The following SRRM1 variants were observed in gnomAD, a reference collection of about 807,000 sequenced individuals.
The protein encoded by SRRM1 is serine/arginine repetitive matrix protein 1.
Under a neutral mutation model 110.2 loss-of-function variants are expected in SRRM1, and 19 were observed. The observed-to-expected ratio is 0.17, with a 90% CI of 0.12 to 0.25. The LOEUF (loss-of-function observed/expected upper bound fraction) is 0.25. SRRM1 is among the 10% of genes least tolerant of loss of function. The pLI, the probability that SRRM1 is intolerant of heterozygous loss-of-function variation, is 1.00. For missense variants in SRRM1, 918 were observed against 1,145.8 expected, an observed-to-expected ratio of 0.80 and a Z score of 2.87; for synonymous variants, 443 against 414.9, an observed-to-expected ratio of 1.07 and a Z score of -0.82.
At chr1:24,643,592 G>A in intron 1 of SRRM1, 1 of 423,910 alleles carries the variant, frequency 2.4e-6, no homozygotes, top group Non-Finnish European at 4.2e-6. Flanking sequence ...AAATGGCGGC[G>A]GGAATGGGCC....
intron 10 of SRRM1, 58 bp downstream of exon 10, chr1:24,660,857 C>A: frequency 1.5e-6 from 2 of 1,316,196 alleles, no homozygotes; most frequent in Non-Finnish European, 2.1e-6. Flanking sequence ...TTTCTTAAAG[C>A]TGATTTTGAT....
At chr1:24,666,698 G>T (rs1670161285) in intron 12 of SRRM1, 117 bp from the exon 13 acceptor site, 1 of 710,832 alleles carries the variant, frequency 1.4e-6, no homozygotes, top group African/African-American at 1.8e-5. Flanking sequence ...CTGGGAGGCG[G>T]AGGTTGCAGT....
intron 13 of SRRM1, among the ~76,000 whole-genome samples, chr1:24,667,299 T>G (rs2148715665): frequency 6.6e-6 from 1 of 152,332 alleles, no homozygotes; most frequent in South Asian, 2.1e-4. Context: ...ATTGTATACT[T>G]TAAATGGACC....
At chr1:24,660,292 T>A (rs1666471406) in intron 9 of SRRM1, among the ~76,000 whole-genome samples, 1 of 152,220 alleles carries the variant, frequency 6.6e-6, no homozygotes, top group African/African-American at 2.4e-5. Flanking sequence ...GCTCCCAATT[T>A]CCTTTAACTG....
intron 3 of SRRM1, chr1:24,647,389 T>C (rs552032289): frequency 6.6e-6 from 1 of 152,666 alleles, no homozygotes; most frequent in East Asian, 1.9e-4. Context: ...CTAAGGTCTT[T>C]GTAGCTGCAT....
At chr1:24,656,287 A>G (rs1341809133) in intron 9 of SRRM1, among the ~76,000 whole-genome samples, 2 of 152,234 alleles carry the variant, frequency 1.3e-5, no homozygotes, top group African/African-American at 2.4e-5. Context: ...TGAGGCATAG[A>G]TAAGCTGACA....
At chr1:24,657,015 T>G (rs183268568) in intron 9 of SRRM1, among the ~76,000 whole-genome samples, 107 of 152,244 alleles carry the variant, frequency 7.0e-4, no homozygotes, top group African/African-American at 2.5e-3. Context: ...ACAGGCAGTG[T>G]AGTCAGTCTC....
intron 12 of SRRM1, among the ~76,000 whole-genome samples, chr1:24,664,461 A>G (rs1157386403): frequency 6.6e-6 from 1 of 152,176 alleles, no homozygotes; most frequent in Non-Finnish European, 1.5e-5. Flanking sequence ...TGGATCTTAG[A>G]CCTATACATT....
intron 10 of SRRM1, 193 bp from the exon 11 acceptor site, chr1:24,661,117 T>TTTA (rs1557709766): frequency 1.8e-6 from 1 of 549,956 alleles, no homozygotes; most frequent in African/African-American, 1.9e-5. Context: ...CTAAATAAAT[T>TTTA]TTATTATATT....
intron 8 of SRRM1, among the ~76,000 whole-genome samples, chr1:24,653,507 G>T (rs1488309943): frequency 6.6e-6 from 1 of 152,134 alleles, no homozygotes; most frequent in African/African-American, 2.4e-5. Flanking sequence ...AAGTAATTCA[G>T]ACAGAAATAG....
intron 8 of SRRM1, 142 bp from the exon 9 acceptor site, chr1:24,654,713 T>C: frequency 1.0e-6 from 1 of 958,412 alleles, no homozygotes; most frequent in Non-Finnish European, 1.6e-6. Context: ...TTTCCCCCAT[T>C]CTTTTGGACT....
chr1:24,672,353 A>G lies in SRRM1; in HGVS notation c.*67A>G. 8.8e-7 allele frequency: 1 copy of G among 1,141,178 alleles called. No homozygotes were observed. Among genetic ancestry groups the G allele is most frequent in the East Asian group, 2.6e-5 (1 of 38,006 alleles). The allele number at this position is 1,141,178 out of a possible 1,614,324, so 70.7% of individuals were successfully genotyped here. On this transcript the variant is annotated 3_prime_UTR_variant, in exon 17 of 17. Coordinates refer to ENST00000323848, the MANE Select transcript of SRRM1 (RefSeq NM_005839.4). ...CGCAGTTCAATTTCAAAATTGCTAA[A>G]ATGTGTTTGAGCTTTAGACTATAAC...
At chr1:24,650,782 T>C (rs940643411) in intron 5 of SRRM1, among the ~76,000 whole-genome samples, 6 of 152,236 alleles carry the variant, frequency 3.9e-5, no homozygotes, top group Non-Finnish European at 2.9e-5. Flanking sequence ...TTTATAGAGC[T>C]AAGCACAAAT....
At chr1:24,665,296 G>T (rs555430225) in intron 12 of SRRM1, among the ~76,000 whole-genome samples, 1 of 152,276 alleles carries the variant, frequency 6.6e-6, no homozygotes, top group African/African-American at 2.4e-5. Context: ...GGGCGTGGTG[G>T]CGCATGCCTG....
chr1:24,667,965 C>CTTTTTTTTT lies in SRRM1; in HGVS notation c.1739+1059_1739+1067dup, dbSNP rs1038405035. Among the ~76,000 whole-genome samples the CTTTTTTTTT allele has an allele frequency of 3.1e-4, 21 of 68,528 alleles. 5 individuals carry two copies. The highest frequency in any genetic ancestry group is 1.0e-3 in the African/African-American group (15 of 14,550). 45.0% of individuals were successfully genotyped at this position (68,528 alleles called of 152,430 possible). On this transcript the variant is annotated intron_variant, in intron 13 of 16. Coordinates refer to ENST00000323848, the MANE Select transcript of SRRM1 (RefSeq NM_005839.4). ...AGCAATGTAATGACATGCTGCCACT[C>CTTTTTTTTT]TTTTTTTTTTTTTTTTTTTTTTTTT... is the stretch of plus-strand genomic sequence containing the variant.
chr1:24,652,047 T>TACATATATATATATATATATATATATAC, intron 6 of SRRM1, among the ~76,000 whole-genome samples: 1 of 132,226 alleles, frequency 7.6e-6, no homozygotes, highest in South Asian at 2.5e-4. Flanking sequence ...TATATATATA[T>TACATATATATATATATATATATATATAC]ATATATATAT....
At chr1:24,659,135 A>G (rs1665843895) in intron 9 of SRRM1, among the ~76,000 whole-genome samples, 1 of 152,072 alleles carries the variant, frequency 6.6e-6, no homozygotes, top group African/African-American at 2.4e-5. Flanking sequence ...CGGAGGTTGC[A>G]GTGAGCCGAG....
intron 9 of SRRM1, among the ~76,000 whole-genome samples, chr1:24,658,806 T>C (rs906179314): frequency 6.6e-6 from 1 of 152,364 alleles, no homozygotes; most frequent in Admixed American, 6.5e-5. Context: ...TATAGTTTGC[T>C]ATTTGCACTG....
intron 1 of SRRM1, among the ~76,000 whole-genome samples, chr1:24,645,343 C>T (rs968479146): frequency 2.0e-5 from 3 of 152,186 alleles, no homozygotes; most frequent in Non-Finnish European, 4.4e-5. Context: ...CCAGTTATTT[C>T]CGTGTTTAAT....
Sources: allele counts gnomAD v4.1 joint callset (sites outside exome capture counted in the v4.1 genomes callset), GRCh38; gene constraint gnomAD v4.1.1; transcripts MANE v1.5; gene names NCBI Gene and HGNC (gene_info 2026-07-23, HGNC 2026-07-21).